Variants in LSAMP observed in about 807,000 individuals in gnomAD.
The protein encoded by LSAMP is limbic system associated membrane protein.
In LSAMP, 7 loss-of-function variants were observed where a neutral mutation model predicts 38.6. The ratio of observed to expected loss-of-function variants is 0.18; its 90% CI spans 0.10 to 0.34. The LOEUF (loss-of-function observed/expected upper bound fraction) is 0.34. Among genes scored for constraint, LSAMP ranks in the 10% least tolerant of loss-of-function variants. The pLI is 1.00. For synonymous variants in LSAMP, 154 were observed against 166.8 expected (o/e 0.92, Z 0.59); for missense variants, 313 against 420.0 (o/e 0.75, Z 2.23).
At chr3:116,391,589 G>C (rs2048699165) in intron 1 of LSAMP, among the ~76,000 whole-genome samples, 1 of 152,192 alleles carries the variant, frequency 6.6e-6, no homozygotes, top group African/African-American at 2.4e-5. Flanking sequence ...GCAGGGCGCG[G>C]GGGTGGCAAG....
At chr3:116,353,730 C>T (rs1047336700) in intron 1 of LSAMP, among the ~76,000 whole-genome samples, 1 of 152,104 alleles carries the variant, frequency 6.6e-6, no homozygotes, top group Admixed American at 6.5e-5. Flanking sequence ...ATTCATTTTC[C>T]ATCCCATATT....
intron 3 of LSAMP, 130 bp from the exon 4 acceptor site, chr3:115,852,747 T>A: frequency 2.2e-6 from 2 of 911,432 alleles, no homozygotes; most frequent in East Asian, 2.8e-5. Flanking sequence ...TTGTCTGACA[T>A]CAGATTCCAC....
At chr3:115,837,443 AAACGCTGACTACTAGGCT>A (rs1934827439) in intron 6 of LSAMP, among the ~76,000 whole-genome samples, 3 of 119,546 alleles carry the variant, frequency 2.5e-5, no homozygotes, top group African/African-American at 1.5e-4. Context: ...CTCCTAGACC[AAACGCTGACTACTAGGCT>A]AAACGCTGAC....
chr3:116,329,566 T>G (rs2107739170), intron 1 of LSAMP, among the ~76,000 whole-genome samples: 1 of 152,294 alleles, frequency 6.6e-6, no homozygotes, highest in African/African-American at 2.4e-5. Context: ...ATGTTATATA[T>G]GCAAATTCTT....
intron 1 of LSAMP, among the ~76,000 whole-genome samples, chr3:116,384,508 C>T (rs904926043): frequency 6.6e-6 from 1 of 152,064 alleles, no homozygotes; most frequent in Non-Finnish European, 1.5e-5. Flanking sequence ...GTCTGCAGCA[C>T]ACTGGGGGTT....
intron 1 of LSAMP, among the ~76,000 whole-genome samples, chr3:116,410,020 T>TTTTG (rs1230098590): frequency 6.6e-6 from 1 of 152,064 alleles, no homozygotes; most frequent in Non-Finnish European, 1.5e-5. Flanking sequence ...CCCTTAAGTG[T>TTTTG]TTTGTTTGTT....
intron 1 of LSAMP, among the ~76,000 whole-genome samples, chr3:116,115,938 C>G (rs1177990131): frequency 6.6e-6 from 1 of 151,878 alleles, no homozygotes; most frequent in Non-Finnish European, 1.5e-5. Flanking sequence ...GGCTTCCACC[C>G]CTTTCAATCC....
chr3:116,079,754 G>A (rs974954456), intron 2 of LSAMP, among the ~76,000 whole-genome samples: 1 of 151,310 alleles, frequency 6.6e-6, no homozygotes, highest in Non-Finnish European at 1.5e-5. Flanking sequence ...TCATACAGAA[G>A]AGTTTTGTCA....
At chr3:116,085,026 C>T (rs1176547479) in intron 2 of LSAMP, among the ~76,000 whole-genome samples, 2 of 151,732 alleles carry the variant, frequency 1.3e-5, no homozygotes, top group Non-Finnish European at 2.9e-5. Context: ...GTAAATTAAC[C>T]CATTGGCATA....
chr3:116,185,654 A>C (rs928560676), intron 1 of LSAMP, among the ~76,000 whole-genome samples: 1 of 152,062 alleles, frequency 6.6e-6, no homozygotes, highest in African/African-American at 2.4e-5. Context: ...ACCTAGTATT[A>C]AATACAGTTA....
At chr3:115,924,338 C>T (rs1049602520) in intron 3 of LSAMP, among the ~76,000 whole-genome samples, 6 of 152,096 alleles carry the variant, frequency 3.9e-5, no homozygotes, top group African/African-American at 9.7e-5. Context: ...CCCTTTTCAT[C>T]GTCTCTTCTG....
intron 2 of LSAMP, among the ~76,000 whole-genome samples, chr3:116,038,802 G>T (rs562382585): frequency 1.3e-4 from 20 of 152,326 alleles, no homozygotes; most frequent in Middle Eastern, 3.4e-3. Context: ...GTCATTTTCT[G>T]CATGTTATAA....
rs193302316 is a variant in LSAMP, at chr3:116,298,130, C to G, written c.155+146747G>C. ...TCTATCTATCTATAAATCCATCTAGCTATCCATTGTGCTTTTGTTGCAGAC... is the reference window on the plus strand; with the variant it reads ...TCTATCTATCTATAAATCCATCTAGGTATCCATTGTGCTTTTGTTGCAGAC... On this transcript the variant is annotated intron_variant, in intron 1 of 6. Transcript: ENST00000490035. 3.9e-4 allele frequency among the ~76,000 whole-genome samples: 60 copies of G among 152,276 alleles called. No individual in the cohort carries two copies. In the Middle Eastern group the frequency reaches 0.027, roughly 69 times the overall value.
chr3:115,821,994 A>G (rs1245975125), intron 6 of LSAMP, among the ~76,000 whole-genome samples: 2 of 152,194 alleles, frequency 1.3e-5, no homozygotes, highest in Non-Finnish European at 2.9e-5. Flanking sequence ...TATTAATTCA[A>G]TTTTCAAGCC....
intron 1 of LSAMP, among the ~76,000 whole-genome samples, chr3:116,309,137 A>C (rs978627851): frequency 2.0e-5 from 3 of 152,070 alleles, no homozygotes; most frequent in African/African-American, 7.2e-5. Context: ...TATACAAACT[A>C]TTCTTTGTTC....
At chr3:115,995,984 TACTA>T (rs1939804827) in intron 3 of LSAMP, among the ~76,000 whole-genome samples, 2 of 152,026 alleles carry the variant, frequency 1.3e-5, no homozygotes, top group African/African-American at 2.4e-5. Flanking sequence ...GAGATTAATT[TACTA>T]TGATTACCCA....
At chr3:115,964,067 T>C (rs925297754) in intron 3 of LSAMP, among the ~76,000 whole-genome samples, 1 of 152,230 alleles carries the variant, frequency 6.6e-6, no homozygotes, top group African/African-American at 2.4e-5. Context: ...TTAGTGTTAG[T>C]TTAAATGCCA....
intron 2 of LSAMP, among the ~76,000 whole-genome samples, chr3:116,033,857 C>G (rs372312745): frequency 6.6e-6 from 1 of 152,018 alleles, no homozygotes; most frequent in Non-Finnish European, 1.5e-5. Flanking sequence ...GAGAATGGGT[C>G]GGAATCAGCA....
intron 3 of LSAMP, among the ~76,000 whole-genome samples, chr3:115,998,828 A>C (rs989163844): frequency 8.5e-5 from 13 of 152,138 alleles, no homozygotes; most frequent in African/African-American, 2.7e-4. Context: ...GTGTTCCGAC[A>C]GCCTGCCTGG....
Sources: allele counts gnomAD v4.1 joint callset (sites outside exome capture counted in the v4.1 genomes callset), GRCh38; gene constraint gnomAD v4.1.1; transcripts MANE v1.5; gene names NCBI Gene and HGNC (gene_info 2026-07-23, HGNC 2026-07-21).